Variants in MTTP observed in about 807,000 individuals in gnomAD.
The protein encoded by MTTP is microsomal triglyceride transfer protein.
MTTP carries 49 observed loss-of-function variants against 90.6 expected under a neutral mutation model. The ratio of observed to expected loss-of-function variants is 0.54; its 90% confidence interval spans 0.43 to 0.69. The LOEUF is 0.69. Among genes scored for constraint, MTTP ranks in the 30% least tolerant of loss-of-function variants. The pLI is 0.00. For synonymous variants in MTTP, 347 were observed against 384.2 expected, an observed-to-expected ratio of 0.90 and a Z score of 1.13; for missense variants, 945 against 1,067.5, an observed-to-expected ratio of 0.89 and a Z score of 1.60.
chr4:99,573,460 G>A (rs937763660), upstream of MTTP, among the ~76,000 whole-genome samples: 12 of 151,996 alleles, frequency 7.9e-5, no homozygotes, highest in African/African-American at 2.9e-4. Flanking sequence ...TAACTTAAGG[G>A]GGTTTCTCCA....
intron 3 of MTTP, among the ~76,000 whole-genome samples, chr4:99,584,621 T>C (rs951685287): frequency 1.3e-5 from 2 of 148,696 alleles, no homozygotes; most frequent in Non-Finnish European, 3.1e-5. Flanking sequence ...CTTGTCAAAA[T>C]ACTTGCCATG....
At chr4:99,565,317 A>G (rs1724650558) in intron 1 of MTTP, among the ~76,000 whole-genome samples, 1 of 152,236 alleles carries the variant, frequency 6.6e-6, no homozygotes, top group South Asian at 2.1e-4. Flanking sequence ...AAACCACTTC[A>G]TATTCTAATA....
chr4:99,590,368 G>A (rs984372173), intron 4 of MTTP, among the ~76,000 whole-genome samples: 3 of 152,200 alleles, frequency 2.0e-5, no homozygotes, highest in African/African-American at 7.2e-5. Flanking sequence ...GGGATTACAA[G>A]CATGAGCCAC....
At chr4:99,607,451 G>A (rs1560623224) in intron 11 of MTTP, among the ~76,000 whole-genome samples, 1 of 152,134 alleles carries the variant, frequency 6.6e-6, no homozygotes, top group African/African-American at 2.4e-5. Flanking sequence ...GTTGGTGGCT[G>A]CAAATCATGA....
chr4:99,579,012 A>G (rs1354417298), intron 1 of MTTP, among the ~76,000 whole-genome samples: 2 of 152,230 alleles, frequency 1.3e-5, no homozygotes, highest in Non-Finnish European at 2.9e-5. Flanking sequence ...ATTACAATGC[A>G]GAAGACATAG....
chr4:99,571,613 T>C (rs1405632535), upstream of MTTP, among the ~76,000 whole-genome samples: 1 of 151,964 alleles, frequency 6.6e-6, no homozygotes, highest in African/African-American at 2.4e-5. Context: ...TTTGGAGTTT[T>C]AGATTCCCAG....
chr4:99,599,859 T>G (rs931351398), intron 8 of MTTP, among the ~76,000 whole-genome samples: 1 of 152,118 alleles, frequency 6.6e-6, no homozygotes, highest in Non-Finnish European at 1.5e-5. Context: ...CTGGTGTGCT[T>G]ATATAGGGGT....
At position 99,621,168 on chromosome 4, in the gene MTTP, T is replaced by G. The variant is rs1726220336; in HGVS notation, c.2450T>G (p.Val817Gly). ...TEAGLEFIST[V>G]QFSQYPFLVC... The stretch of plus-strand genomic sequence containing the variant: ...GCAGGCTTGGAGTTTATCTCCACAG[T>G]GCAGTTTTCTCAGTACCCATTCTTA... Residue 817 changes from valine (V) to glycine (G), a missense_variant, in exon 17 of 18, where the codon GTG becomes GGG. Val to Gly is a moderately radical substitution (Grantham distance 109). Coordinates refer to ENST00000265517, the MANE Select transcript of MTTP (RefSeq NM_001386140.1). 6.2e-7 allele frequency: 1 copy of G among 1,614,068 alleles called. No homozygotes were observed. Among genetic ancestry groups the G allele is most frequent in the South Asian group, 1.1e-5 (1 of 91,080 alleles).
Position 99,581,974 on chromosome 4 carries a change from T to C in MTTP, c.131T>C (p.Leu44Pro), listed in dbSNP as rs1347387995. Residue 44 changes from leucine (L) to proline (P), a missense_variant, in exon 2 of 18, where the codon CTT becomes CCT. Coordinates refer to ENST00000265517, the MANE Select transcript of MTTP (RefSeq NM_001386140.1). ...CTCACGTACTCCACTGAAGTTCTTCTTGATCGGGGCAAAGGAAAACTGCAA... is the reference window on the plus strand; with the variant it reads ...CTCACGTACTCCACTGAAGTTCTTCCTGATCGGGGCAAAGGAAAACTGCAA... ...YKLTYSTEVL[L>P]DRGKGKLQDS... The C allele has an allele frequency of 2.5e-6, 4 of 1,614,074 alleles. No homozygotes were observed. In the African/African-American group the frequency reaches 4.0e-5, roughly 16 times the overall value.
At position 99,621,169 on chromosome 4, in the gene MTTP, G is replaced by T; in HGVS notation, c.2451G>T (p.Val817=). The change falls in exon 17 of 18, where the codon GTG becomes GTT. Residue 817 remains valine, a synonymous_variant. Coordinates refer to ENST00000265517, the MANE Select transcript of MTTP (RefSeq NM_001386140.1). ...CAGGCTTGGAGTTTATCTCCACAGT[G>T]CAGTTTTCTCAGTACCCATTCTTAG... ...TEAGLEFIST[V]QFSQYPFLVC... is the part of the protein sequence containing the mutation. The T allele has an allele frequency of 6.2e-7, 1 of 1,614,074 alleles. No individual in the cohort carries two copies. Among genetic ancestry groups the T allele is most frequent in the African/African-American group, 1.3e-5 (1 of 75,032 alleles).
Position 99,583,470 on chromosome 4 carries a change from T to C in MTTP, c.346T>C (p.Leu116=), listed in dbSNP as rs767701656. The C allele has an allele frequency of 1.9e-6, 3 of 1,613,584 alleles. No homozygotes were observed. The highest frequency in any genetic ancestry group is 2.5e-6 in the Non-Finnish European group (3 of 1,179,792). The change falls in exon 3 of 18, where the codon TTG becomes CTG. Residue 116 remains leucine, a synonymous_variant. Transcript: ENST00000265517. The stretch of plus-strand genomic sequence containing the variant: ...ATCTAAAATAATGGGAAAGGAAAAC[T>C]TGGAAGCTCTGCAAAGACCTACGCT... The part of the protein sequence containing the change: ...SPSKIMGKEN[L]EALQRPTLLH...
exon 1 of MTTP, chr4:99,564,176 T>TGAC (rs769505357): frequency 4.1e-5 from 63 of 1,535,516 alleles, no homozygotes; most frequent in South Asian, 5.9e-5. Flanking sequence ...CAGTGATGTC[T>TGAC]GTTTTTTCCC....
At chr4:99,604,828 G>A (rs1725775416) in intron 10 of MTTP, among the ~76,000 whole-genome samples, 1 of 151,936 alleles carries the variant, frequency 6.6e-6, no homozygotes, top group Non-Finnish European at 1.5e-5. Flanking sequence ...TGATTCACCT[G>A]CTCAATTCTA....
chr4:99,594,834 T>C lies in MTTP; in HGVS notation c.860T>C (p.Ile287Thr). ...IKAVDSKYTA[I>T]PIVGQVFQSH... Reference sequence around the variant, plus strand: ...GCAGTTGATTCAAAGTACACGGCCATTCCCATTGTGGGGCAGGTCTTCCAG... The same window carrying C: ...GCAGTTGATTCAAAGTACACGGCCACTCCCATTGTGGGGCAGGTCTTCCAG... The change falls in exon 7 of 18, where the codon ATT becomes ACT. Residue 287 changes from isoleucine to threonine, a missense_variant. Physicochemically the swap from Ile to Thr is moderately conservative, Grantham distance 89. Transcript: ENST00000265517. The C allele has an allele frequency of 6.2e-7, 1 of 1,614,016 alleles. No individual in the cohort carries two copies. The highest frequency in any genetic ancestry group is 1.1e-5 in the South Asian group (1 of 91,088).
intron 10 of MTTP, among the ~76,000 whole-genome samples, chr4:99,603,063 G>A (rs1213972801): frequency 6.6e-6 from 1 of 152,118 alleles, no homozygotes; most frequent in Non-Finnish European, 1.5e-5. Context: ...ATCTAGAAGA[G>A]GTTTTTAAGT....
rs770281285 is a variant in MTTP at position 99,611,176 on chromosome 4, C to G, written c.1803C>G (p.Val601=). ...KIVRRVLKEM[V]AHNYDRFSRS... ...TCCGTCGAGTTCTGAAGGAAATGGTCGCTCACAATTATGACCGTTTCTCCA... is the reference window on the plus strand; with the variant it reads ...TCCGTCGAGTTCTGAAGGAAATGGTGGCTCACAATTATGACCGTTTCTCCA... Residue 601 remains valine, a synonymous_variant, in exon 13 of 18, where the codon GTC becomes GTG. Coordinates refer to ENST00000265517, the MANE Select transcript of MTTP (RefSeq NM_001386140.1). The G allele has an allele frequency of 1.2e-6, 2 of 1,613,666 alleles. No individual in the cohort carries two copies. The highest frequency in any genetic ancestry group is 1.7e-5 in the Admixed American group (1 of 59,952).
Position 99,622,784 on chromosome 4 carries a change from A to G in MTTP, c.2621A>G (p.Asn874Ser). 6.2e-7 allele frequency: 1 copy of G among 1,614,160 alleles called. No individual in the cohort carries two copies. The highest frequency in any genetic ancestry group is 8.5e-7 in the Non-Finnish European group (1 of 1,179,996). ...TGTGAATTCCCGCTCCATCAAGAGAACTCAGAGATGTGCAAAGTGGTGTTT... is the reference window on the plus strand; with the variant it reads ...TGTGAATTCCCGCTCCATCAAGAGAGCTCAGAGATGTGCAAAGTGGTGTTT... The part of the protein sequence containing the change: ...AGCEFPLHQE[N>S]SEMCKVVFAP... Residue 874 changes from asparagine to serine, a missense_variant, in exon 18 of 18, where the codon AAC (asparagine) becomes AGC (serine). By Grantham distance (46) the Asn-to-Ser change is conservative. Transcript: ENST00000265517.
chr4:99,579,985 G>A (rs1228346397), intron 1 of MTTP, among the ~76,000 whole-genome samples: 2 of 145,784 alleles, frequency 1.4e-5, no homozygotes, highest in African/African-American at 5.1e-5. Flanking sequence ...GCAGTGAGCC[G>A]AGATCGCATG....
intron 10 of MTTP, among the ~76,000 whole-genome samples, chr4:99,605,573 A>G (rs1725794715): frequency 6.6e-6 from 1 of 152,160 alleles, no homozygotes; most frequent in African/African-American, 2.4e-5. Flanking sequence ...GTTGAGATGT[A>G]GCTTCAGGGA....
Sources: allele counts gnomAD v4.1 joint callset (sites outside exome capture counted in the v4.1 genomes callset), GRCh38; gene constraint gnomAD v4.1.1; transcripts MANE v1.5; gene names NCBI Gene and HGNC (gene_info 2026-07-23, HGNC 2026-07-21).